Variants in PRELID2 observed in about 807,000 individuals in gnomAD.
PRELID2 encodes the protein PRELI domain containing 2.
A neutral mutation model predicts 28.4 loss-of-function variants in PRELID2; 25 were observed. That is an observed-to-expected ratio of 0.88 (90% CI 0.64 to 1.23). The LOEUF (loss-of-function observed/expected upper bound fraction) is 1.23. PRELID2 is among the 50% of genes most tolerant of loss of function. The pLI is 0.00. For missense variants in PRELID2, 201 were observed against 214.4 expected, an observed-to-expected ratio of 0.94 and a Z score of 0.39; for synonymous variants, 76 against 71.6, an observed-to-expected ratio of 1.06 and a Z score of -0.31.
chr5:145,741,986 T>TG (rs1756812916), intron 1 of PRELID2, among the ~76,000 whole-genome samples: 1 of 34,738 alleles, frequency 2.9e-5, no homozygotes, highest in Non-Finnish European at 6.6e-5. Context: ...TTAATTATAA[T>TG]AAATTTATTA....
intron 1 of PRELID2, among the ~76,000 whole-genome samples, chr5:145,644,913 C>T (rs1754171417): frequency 1.3e-5 from 2 of 152,126 alleles, no homozygotes; most frequent in African/African-American, 4.8e-5. Flanking sequence ...TTTGCATTTG[C>T]TGAGGAGTGC....
chr5:145,703,573 T>TG (rs1309777280), intron 1 of PRELID2, among the ~76,000 whole-genome samples: 2 of 152,218 alleles, frequency 1.3e-5, no homozygotes, highest in Non-Finnish European at 2.9e-5. Flanking sequence ...TGTCTTGAAA[T>TG]GGGACATTTG....
the PRELID2 span, among the ~76,000 whole-genome samples, chr5:145,340,139 T>A: frequency 1.3e-5 from 2 of 152,060 alleles, no homozygotes; most frequent in South Asian, 4.2e-4. Context: ...CCTGGTCCCA[T>A]CCCCCAAATA....
At chr5:145,451,564 T>C in the PRELID2 span, among the ~76,000 whole-genome samples, 2 of 152,140 alleles carry the variant, frequency 1.3e-5, no homozygotes, top group Non-Finnish European at 2.9e-5. Flanking sequence ...CCAGGGTGCT[T>C]CATTCTGTGT....
At chr5:145,483,299 C>T (rs1280230303) in intron 1 of PRELID2, among the ~76,000 whole-genome samples, 1 of 152,144 alleles carries the variant, frequency 6.6e-6, no homozygotes, top group African/African-American at 2.4e-5. Context: ...TCTGAGCCTA[C>T]ATTACAAATA....
the PRELID2 span, among the ~76,000 whole-genome samples, chr5:145,330,219 T>TTGA: frequency 2.0e-5 from 3 of 152,190 alleles, no homozygotes; most frequent in Admixed American, 2.0e-4. Context: ...ATCAGGAATA[T>TTGA]TGACCTGAAA....
the PRELID2 span, among the ~76,000 whole-genome samples, chr5:145,234,854 C>T: frequency 2.2e-4 from 34 of 152,134 alleles, no homozygotes; most frequent in African/African-American, 6.0e-4. Flanking sequence ...CAGCTGAGAC[C>T]TGAGGATGAT....
intron 1 of PRELID2, among the ~76,000 whole-genome samples, chr5:145,700,861 C>G (rs545993147): frequency 6.6e-6 from 1 of 152,248 alleles, no homozygotes; most frequent in African/African-American, 2.4e-5. Context: ...CATCTAACAC[C>G]CAGGTGAGCA....
chr5:145,761,382 A>G (rs1757467762), intron 6 of PRELID2, among the ~76,000 whole-genome samples: 1 of 152,206 alleles, frequency 6.6e-6, no homozygotes, highest in South Asian at 2.1e-4. Flanking sequence ...CTGGTATTTT[A>G]ACTTCCTGTT....
At chr5:145,600,206 A>G (rs935344043) in intron 1 of PRELID2, among the ~76,000 whole-genome samples, 4 of 148,846 alleles carry the variant, frequency 2.7e-5, no homozygotes, top group African/African-American at 1.0e-4. Context: ...TCAATGAAGT[A>G]GAATTAAACA....
At chr5:145,657,192 C>T (rs768906201) in intron 1 of PRELID2, among the ~76,000 whole-genome samples, 1 of 152,126 alleles carries the variant, frequency 6.6e-6, no homozygotes, top group African/African-American at 2.4e-5. Context: ...TCTCAGCATG[C>T]ATGCAAGGAT....
At chr5:145,538,372 C>A (rs114699475) in intron 1 of PRELID2, among the ~76,000 whole-genome samples, 225 of 151,890 alleles carry the variant, frequency 1.5e-3, no homozygotes, top group African/African-American at 5.4e-3. Flanking sequence ...TTAAAAAAAT[C>A]TCTGTGAAGA....
chr5:145,548,566 A>G (rs1436802774), intron 1 of PRELID2, among the ~76,000 whole-genome samples: 3 of 152,096 alleles, frequency 2.0e-5, no homozygotes, highest in African/African-American at 7.2e-5. Context: ...TATTAAAGAG[A>G]ATTTGCCAGT....
chr5:145,608,582 A>G (rs1753544172), intron 1 of PRELID2, among the ~76,000 whole-genome samples: 1 of 151,984 alleles, frequency 6.6e-6, no homozygotes, highest in African/African-American at 2.4e-5. Context: ...CAATCTTCCA[A>G]TTTTAGGGTT....
At chr5:145,384,065 A>G in the PRELID2 span, among the ~76,000 whole-genome samples, 1 of 152,194 alleles carries the variant, frequency 6.6e-6, no homozygotes, top group Admixed American at 6.6e-5. Context: ...GAAGATACTC[A>G]AGATCATTAA....
intron 1 of PRELID2, among the ~76,000 whole-genome samples, chr5:145,562,718 T>C (rs1045861812): frequency 6.6e-6 from 1 of 152,124 alleles, no homozygotes; most frequent in Non-Finnish European, 1.5e-5. Flanking sequence ...ACACAAGTTT[T>C]ATAAATCATG....
At chr5:145,374,294 T>C in the PRELID2 span, among the ~76,000 whole-genome samples, 1 of 152,128 alleles carries the variant, frequency 6.6e-6, no homozygotes, top group African/African-American at 2.4e-5. Flanking sequence ...TTTTTAAGAA[T>C]GTTGAATATT....
At chr5:145,651,503 C>G (rs912966670) in intron 1 of PRELID2, among the ~76,000 whole-genome samples, 8 of 152,142 alleles carry the variant, frequency 5.3e-5, no homozygotes, top group African/African-American at 1.9e-4. Flanking sequence ...TGGGAGGCAC[C>G]CCCAGTAGGG....
chr5:145,270,137 G>C, the PRELID2 span, among the ~76,000 whole-genome samples: 1 of 151,628 alleles, frequency 6.6e-6, no homozygotes, highest in African/African-American at 2.4e-5. Flanking sequence ...ATTGTTGGGA[G>C]GAACTGGTAA....
Sources: gnomAD v4.1 joint callset for allele counts (sites outside exome capture counted in the v4.1 genomes callset) on GRCh38, gnomAD v4.1.1 for gene constraint, MANE v1.5 for transcripts, NCBI Gene and HGNC (gene_info 2026-07-23, HGNC 2026-07-21) for gene names.